Variants in FHIT observed in about 807,000 individuals in gnomAD.
The protein encoded by FHIT is bis(5'-adenosyl)-triphosphatase.
A neutral mutation model predicts 17.9 loss-of-function variants in FHIT; 19 were observed. The ratio of observed to expected loss-of-function variants is 1.06; its 90% CI spans 0.74 to 1.56. The LOEUF is 1.56. Ranked by LOEUF, FHIT falls within the 40% of genes most tolerant of loss-of-function variation. The pLI, the probability that FHIT is intolerant of heterozygous loss-of-function variation, is 0.00. For synonymous variants in FHIT, 81 were observed against 69.7 expected (o/e 1.16, Z -0.81); for missense variants, 248 against 189.2 (o/e 1.31, Z -1.82).
chr3:59,991,721 C>T (rs1380511441), intron 7 of FHIT, among the ~76,000 whole-genome samples: 3 of 152,138 alleles, frequency 2.0e-5, no homozygotes, highest in East Asian at 3.9e-4. Flanking sequence ...TCAGACCCTG[C>T]AACTGCTCAA....
At chr3:61,102,368 C>T (rs186587126) in intron 2 of FHIT, among the ~76,000 whole-genome samples, 61 of 152,190 alleles carry the variant, frequency 4.0e-4, no homozygotes, top group East Asian at 1.2e-3. Flanking sequence ...TATTGATTTG[C>T]GTATGTTGAA....
chr3:60,127,100 T>A (rs955252305), intron 5 of FHIT, among the ~76,000 whole-genome samples: 1 of 152,138 alleles, frequency 6.6e-6, no homozygotes, highest in South Asian at 2.1e-4. Context: ...CTTCTACTTG[T>A]GCAATCTCCC....
chr3:60,281,854 T>C (rs917841082), intron 5 of FHIT, among the ~76,000 whole-genome samples: 1 of 152,134 alleles, frequency 6.6e-6, no homozygotes, highest in Non-Finnish European at 1.5e-5. Context: ...AAACTTTTGC[T>C]CTACAAAAAA....
intron 5 of FHIT, among the ~76,000 whole-genome samples, chr3:60,129,042 C>CTTTTTTTTTTTT (rs1360333142): frequency 1.2e-4 from 13 of 113,010 alleles, no homozygotes; most frequent in African/African-American, 4.1e-4. Context: ...TTCTTCTTTC[C>CTTTTTTTTTTTT]TTTTTTGTTT....
intron 4 of FHIT, among the ~76,000 whole-genome samples, chr3:60,801,351 T>C (rs1241959282): frequency 1.3e-5 from 2 of 152,224 alleles, no homozygotes; most frequent in African/African-American, 4.8e-5. Flanking sequence ...ACACTTGCCC[T>C]AACCTGGTTT....
chr3:60,374,229 A>G (rs1320446870), intron 5 of FHIT, among the ~76,000 whole-genome samples: 1 of 152,198 alleles, frequency 6.6e-6, no homozygotes, highest in African/African-American at 2.4e-5. Context: ...ATTATAAACA[A>G]TTCTTTCCTG....
chr3:61,176,797 A>G (rs2038169467), intron 2 of FHIT, among the ~76,000 whole-genome samples: 1 of 152,192 alleles, frequency 6.6e-6, no homozygotes, highest in Non-Finnish European at 1.5e-5. Flanking sequence ...CAGAGTGCCA[A>G]GAGTCCTTGG....
intron 5 of FHIT, among the ~76,000 whole-genome samples, chr3:60,314,731 T>C (rs1709092633): frequency 6.6e-6 from 1 of 152,034 alleles, no homozygotes; most frequent in Non-Finnish European, 1.5e-5. Context: ...CATCCAGAAG[T>C]GAGGGGTCTA....
chr3:61,017,856 A>G (rs1486967625), intron 3 of FHIT, among the ~76,000 whole-genome samples: 1 of 152,214 alleles, frequency 6.6e-6, no homozygotes, highest in Non-Finnish European at 1.5e-5. Context: ...AGAAGTGGCT[A>G]AAGAGAAAAA....
intron 3 of FHIT, among the ~76,000 whole-genome samples, chr3:61,020,615 A>G (rs756504023): frequency 7.9e-5 from 12 of 152,218 alleles, no homozygotes; most frequent in Non-Finnish European, 1.2e-4. Flanking sequence ...GCATCACCTA[A>G]TGGGAAAAAT....
At chr3:60,570,906 T>C (rs2682959) in intron 4 of FHIT, among the ~76,000 whole-genome samples, 145,020 of 152,062 alleles carry the variant, frequency 0.95, 69,217 homozygotes, top group East Asian at 1. Context: ...TTAGGGGCCA[T>C]TGTAGCTCTC....
At chr3:60,381,934 T>G (rs1294785929) in intron 5 of FHIT, among the ~76,000 whole-genome samples, 1 of 151,878 alleles carries the variant, frequency 6.6e-6, no homozygotes, top group African/African-American at 2.4e-5. Flanking sequence ...TCCAATATGG[T>G]AGGTGGTAAC....
chr3:60,674,070 T>C (rs1053028027), intron 4 of FHIT, among the ~76,000 whole-genome samples: 3 of 152,116 alleles, frequency 2.0e-5, no homozygotes. Context: ...GCCCCACAGA[T>C]CACTGAAGAT....
intron 5 of FHIT, among the ~76,000 whole-genome samples, chr3:60,124,049 G>GAGAGACAGAGAGAC (rs1553691030): frequency 2.2e-4 from 24 of 109,452 alleles, no homozygotes; most frequent in African/African-American, 1.0e-3. Flanking sequence ...GAGAGAGAGA[G>GAGAGACAGAGAGAC]AGAGAGACAG....
At chr3:61,172,515 GCATCTTTTAA>G (rs1326586805) in intron 2 of FHIT, among the ~76,000 whole-genome samples, 3 of 152,126 alleles carry the variant, frequency 2.0e-5, no homozygotes, top group Non-Finnish European at 2.9e-5. Flanking sequence ...ATCCCACTGT[GCATCTTTTAA>G]CATCTTTTGA....
intron 5 of FHIT, among the ~76,000 whole-genome samples, chr3:60,429,356 T>C (rs1328268962): frequency 6.6e-6 from 1 of 152,058 alleles, no homozygotes; most frequent in Non-Finnish European, 1.5e-5. Context: ...ATTAAAAAAT[T>C]CTATTGGAAG....
At chr3:60,770,467 C>G (rs538327680) in intron 4 of FHIT, among the ~76,000 whole-genome samples, 1 of 152,240 alleles carries the variant, frequency 6.6e-6, no homozygotes, top group Admixed American at 6.5e-5. Flanking sequence ...GGCATGCGGT[C>G]TGCCCTCCTC....
intron 4 of FHIT, among the ~76,000 whole-genome samples, chr3:60,596,818 A>T (rs2107706322): frequency 6.6e-6 from 1 of 152,268 alleles, no homozygotes; most frequent in African/African-American, 2.4e-5. Context: ...GCTGGCTCTT[A>T]CCATCATCAT....
intron 4 of FHIT, among the ~76,000 whole-genome samples, chr3:60,597,885 T>C (rs1284331016): frequency 6.6e-6 from 1 of 152,088 alleles, no homozygotes; most frequent in Non-Finnish European, 1.5e-5. Context: ...GTCTAGTAAG[T>C]TAGAGGAAGA....
Sources: allele counts gnomAD v4.1 joint callset (sites outside exome capture counted in the v4.1 genomes callset), GRCh38; gene constraint gnomAD v4.1.1; transcripts MANE v1.5; gene names NCBI Gene and HGNC (gene_info 2026-07-23, HGNC 2026-07-21).